Variants in MECOM observed in about 807,000 individuals in gnomAD.
MECOM encodes histone-lysine N-methyltransferase MECOM.
MECOM carries 13 observed loss-of-function variants against 116.3 expected under a neutral mutation model. That is an observed-to-expected ratio of 0.11 (90% CI 0.07 to 0.18). The LOEUF is 0.18. Among genes scored for constraint, MECOM ranks in the 10% least tolerant of loss-of-function variants. The pLI is 1.00. For synonymous variants in MECOM, 528 were observed against 535.2 expected, an observed-to-expected ratio of 0.99 and a Z score of 0.19; for missense variants, 1,299 against 1,509.0, an observed-to-expected ratio of 0.86 and a Z score of 2.31.
Position 169,375,687 on chromosome 3 carries a change from A to G in MECOM, c.375+5500T>C, listed in dbSNP as rs559070880. ...AGTTCTGAAATTGAGGCAGTAATTAATAGTCTACCAACCAAAAAAAGCCCA... is the reference window on the plus strand; with the variant it reads ...AGTTCTGAAATTGAGGCAGTAATTAGTAGTCTACCAACCAAAAAAAGCCCA... On this transcript the variant is annotated intron_variant, in intron 2 of 16. Transcript: ENST00000651503. Among the ~76,000 whole-genome samples the G allele has an allele frequency of 2.6e-5, 4 of 152,236 alleles. No homozygotes were observed. The South Asian group carries it at 8.3e-4, about 32-fold the overall frequency.
chr3:169,285,526 G>A (rs547498297), intron 2 of MECOM, among the ~76,000 whole-genome samples: 4 of 152,238 alleles, frequency 2.6e-5, no homozygotes, highest in East Asian at 1.9e-4. Flanking sequence ...TTGAATCTCC[G>A]AACTTCCTTC....
At chr3:169,456,740 C>T (rs1263066560) in intron 1 of MECOM, among the ~76,000 whole-genome samples, 1 of 152,094 alleles carries the variant, frequency 6.6e-6, no homozygotes, top group Non-Finnish European at 1.5e-5. Context: ...AAGGTGGGAC[C>T]ACATAGCTGC....
At chr3:169,570,259 G>A (rs1763716835) in intron 1 of MECOM, among the ~76,000 whole-genome samples, 1 of 152,082 alleles carries the variant, frequency 6.6e-6, no homozygotes, top group African/African-American at 2.4e-5. Flanking sequence ...TGAATTCCTG[G>A]ACACGTACAC....
intron 2 of MECOM, among the ~76,000 whole-genome samples, chr3:169,338,281 G>A (rs370872586): frequency 2.2e-4 from 33 of 152,052 alleles, no homozygotes; most frequent in Admixed American, 7.2e-4. Context: ...AAGTTTCCCC[G>A]GATGCCTAAT....
intron 2 of MECOM, among the ~76,000 whole-genome samples, chr3:169,184,944 G>A (rs1191697751): frequency 6.6e-6 from 1 of 152,120 alleles, no homozygotes; most frequent in Non-Finnish European, 1.5e-5. Flanking sequence ...CACTGGACAT[G>A]GGAGAAGAGA....
chr3:169,480,672 G>A (rs1751152138), intron 1 of MECOM, among the ~76,000 whole-genome samples: 1 of 152,192 alleles, frequency 6.6e-6, no homozygotes, highest in Non-Finnish European at 1.5e-5. Context: ...AGGGCGACCT[G>A]GTAACCAATG....
At position 169,362,305 on chromosome 3, in the gene MECOM, G is replaced by A. The variant is rs185258757; in HGVS notation, c.375+18882C>T. Among the ~76,000 whole-genome samples, 99 of 152,000 alleles carry A rather than the reference G, an allele frequency of 6.5e-4. 1 individual carries two copies. Among genetic ancestry groups the A allele is most frequent in the African/African-American group, 2.2e-3 (93 of 41,532 alleles). The stretch of plus-strand genomic sequence containing the variant: ...AAAGATGAAAAGAACTAAAGAGCAG[G>A]TGTAAGAGACAGAATTCGAAGACTC... On this transcript the variant is annotated intron_variant, in intron 2 of 16. Transcript: ENST00000651503.
At chr3:169,108,504 C>A (rs534619099) in intron 9 of MECOM, among the ~76,000 whole-genome samples, 95 of 152,242 alleles carry the variant, frequency 6.2e-4, no homozygotes, top group Non-Finnish European at 9.6e-4. Context: ...CTAAAAAGAT[C>A]TAGCTCTTAA....
chr3:169,527,313 A>G (rs1312432093), intron 1 of MECOM, among the ~76,000 whole-genome samples: 2 of 152,204 alleles, frequency 1.3e-5, no homozygotes, highest in Admixed American at 6.5e-5. Context: ...TAATTCGGAA[A>G]CTTTCGTTAG....
intron 2 of MECOM, among the ~76,000 whole-genome samples, chr3:169,304,834 G>GACAAAACATGCCTAA (rs753126920): frequency 6.7e-4 from 102 of 152,210 alleles, no homozygotes; most frequent in Non-Finnish European, 1.1e-3. Flanking sequence ...CCATCTTAGA[G>GACAAAACATGCCTAA]TTAGTTTTTA....
At chr3:169,302,754 C>T (rs1716968752) in intron 2 of MECOM, among the ~76,000 whole-genome samples, 1 of 151,964 alleles carries the variant, frequency 6.6e-6, no homozygotes, top group African/African-American at 2.4e-5. Context: ...ATCCCAGCTA[C>T]TCAGGAGGCT....
At chr3:169,483,889 C>T in intron 1 of MECOM, 1 of 1,610,262 alleles carries the variant, frequency 6.2e-7, no homozygotes, top group Non-Finnish European at 8.5e-7. Context: ...ACCCCTCCAC[C>T]AAGGTTCCCA....
chr3:169,113,310 G>A (rs1277736396), intron 8 of MECOM, among the ~76,000 whole-genome samples: 1 of 151,770 alleles, frequency 6.6e-6, no homozygotes, highest in Non-Finnish European at 1.5e-5. Flanking sequence ...TTCCATATTT[G>A]TCAATAATAG....
At chr3:169,252,096 G>A (rs1756312904) in intron 2 of MECOM, among the ~76,000 whole-genome samples, 1 of 152,086 alleles carries the variant, frequency 6.6e-6, no homozygotes, top group East Asian at 1.9e-4. Context: ...TATCATAAAT[G>A]TACAAAAAAT....
intron 1 of MECOM, among the ~76,000 whole-genome samples, chr3:169,414,783 A>G (rs962202246): frequency 3.3e-5 from 5 of 152,204 alleles, no homozygotes; most frequent in Non-Finnish European, 7.3e-5. Context: ...AAAGGGTATC[A>G]GAGATTGAAG....
At chr3:169,268,036 C>T (rs1758523235) in intron 2 of MECOM, among the ~76,000 whole-genome samples, 1 of 152,120 alleles carries the variant, frequency 6.6e-6, no homozygotes, top group South Asian at 2.1e-4. Context: ...ACGTTATTCA[C>T]AAGAAGCAAA....
chr3:169,440,907 T>C (rs1045361349), intron 1 of MECOM, among the ~76,000 whole-genome samples: 1 of 152,156 alleles, frequency 6.6e-6, no homozygotes, highest in African/African-American at 2.4e-5. Flanking sequence ...AAGGATTAAA[T>C]GCCAGGATCA....
chr3:169,443,406 C>G (rs1459273350), intron 1 of MECOM, among the ~76,000 whole-genome samples: 1 of 152,158 alleles, frequency 6.6e-6, no homozygotes. Flanking sequence ...CAATCTACCC[C>G]CAGACCTATT....
chr3:169,212,595 C>T (rs543000683), intron 2 of MECOM, among the ~76,000 whole-genome samples: 1 of 135,988 alleles, frequency 7.4e-6, no homozygotes, highest in South Asian at 2.4e-4. Flanking sequence ...AAGCTCTTGA[C>T]CTTTCTATTA....
Sources: gnomAD v4.1 joint callset for allele counts (sites outside exome capture counted in the v4.1 genomes callset) on GRCh38, gnomAD v4.1.1 for gene constraint, MANE v1.5 for transcripts, NCBI Gene and HGNC (gene_info 2026-07-23, HGNC 2026-07-21) for gene names.